The following TPR variants were observed in gnomAD, a reference collection of about 807,000 sequenced individuals.
TPR encodes the protein nucleoprotein TPR.
A neutral mutation model predicts 316.1 loss-of-function variants in TPR; 51 were observed. The observed-to-expected ratio is 0.16, with a 90% confidence interval of 0.13 to 0.20. TPR has a LOEUF of 0.20. TPR is among the 10% of genes least tolerant of loss of function. The probability of loss-of-function intolerance (pLI) is 1.00; values close to 1 mark genes in which losing one functional copy is unlikely to be tolerated. For missense variants in TPR, 2,272 were observed against 2,754.8 expected (o/e 0.82, Z 3.92); for synonymous variants, 981 against 914.7 (o/e 1.07, Z -1.31).
At chr1:186,334,215 T>G in intron 36 of TPR, 110 bp downstream of exon 36, 1 of 1,127,820 alleles carries the variant, frequency 8.9e-7, no homozygotes, top group Non-Finnish European at 1.2e-6. Context: ...ATTTTTACAA[T>G]GACGTGACTT....
chr1:186,364,252 TAAG>T (rs1659272353), intron 4 of TPR, among the ~76,000 whole-genome samples: 2 of 152,164 alleles, frequency 1.3e-5, no homozygotes, highest in South Asian at 4.1e-4. Flanking sequence ...GTACTTCTTC[TAAG>T]AAGCAGGGAA....
intron 27 of TPR, 151 bp downstream of exon 27, chr1:186,343,175 A>G (rs1166678537): frequency 9.8e-7 from 1 of 1,024,948 alleles, no homozygotes; most frequent in Admixed American, 2.9e-5. Context: ...GCACTATACT[A>G]TATTAGTGTT....
chr1:186,311,969 T>C lies in TPR; in HGVS notation c.*2002A>G. 1 of 570,410 alleles carries C rather than the reference T, an allele frequency of 1.8e-6. No individual in the cohort carries two copies. Among genetic ancestry groups the C allele is most frequent in the South Asian group, 2.3e-5 (1 of 43,616 alleles). The allele number at this position is 570,410 out of a possible 1,614,324, so 35.3% of individuals were successfully genotyped here. On this transcript the variant is annotated 3_prime_UTR_variant, in exon 51 of 51. Coordinates refer to ENST00000367478, the MANE Select transcript of TPR (RefSeq NM_003292.3). ...GAAATTAAATATATAACTATGTAAT[T>C]TGCTGCATCTATTCATTCAACAAGT...
intron 26 of TPR, 59 bp from the exon 27 acceptor site, chr1:186,343,532 C>G (rs932412391): frequency 2.0e-6 from 3 of 1,521,110 alleles, no homozygotes; most frequent in Non-Finnish European, 2.7e-6. Flanking sequence ...CATTACAAAA[C>G]GTAGGTAATT....
intron 42 of TPR, among the ~76,000 whole-genome samples, chr1:186,324,699 C>T (rs1057481089): frequency 1.4e-4 from 21 of 151,998 alleles, no homozygotes; most frequent in African/African-American, 4.8e-4. Context: ...CAATTCAATA[C>T]AAGTGTAGTT....
Position 186,353,567 on chromosome 1 carries a change from G to C in TPR, c.2334+121C>G. The C allele has an allele frequency of 4.7e-6, 5 of 1,063,462 alleles. No individual in the cohort carries two copies. In the South Asian group the frequency reaches 8.0e-5, roughly 17 times the overall value. The allele number at this position is 1,063,462 out of a possible 1,614,324, so 65.9% of individuals were successfully genotyped here. A position where few individuals can be genotyped will look rare whatever the true frequency, so the allele number is the denominator to read the frequency against. On this transcript the variant is annotated intron_variant, in intron 18 of 50. Transcript: ENST00000367478. ...TTTGCAAACTATGTATTAATTACTT[G>C]GTGTAACCTCCAAACTTCTTAAATA...
intron 22 of TPR, among the ~76,000 whole-genome samples, chr1:186,346,940 T>C (rs1012884364): frequency 6.8e-6 from 1 of 147,614 alleles, no homozygotes; most frequent in Non-Finnish European, 1.5e-5. Context: ...TCACGTAAAA[T>C]ACCTTTCTAC....
At chr1:186,350,094 G>T (rs972711211) in intron 21 of TPR, 129 bp downstream of exon 21, 29 of 932,538 alleles carry the variant, frequency 3.1e-5, no homozygotes, top group South Asian at 1.1e-4. Flanking sequence ...AAAAAGTTGG[G>T]TTTTTTTTTG....
chr1:186,323,960 G>T (rs1233213071), intron 42 of TPR, 90 bp from the exon 43 acceptor site: 9 of 1,306,722 alleles, frequency 6.9e-6, no homozygotes, highest in Non-Finnish European at 9.3e-6. Context: ...TTGCCAACAG[G>T]AATGTTCACC....
rs1658446994 is a variant in TPR, at chr1:186,339,617, T to C, written c.4151+25A>G. The C allele has an allele frequency of 4.0e-6, 6 of 1,499,692 alleles. No homozygotes were observed. The Admixed American group carries it at 9.5e-5, about 24-fold the overall frequency. The allele number at this position is 1,499,692 out of a possible 1,614,324, so 92.9% of individuals were successfully genotyped here. ...AAATAAACTTCTTTTATATTATATA[T>C]GATTTAAGGCTTCTTTCCATATACC... On this transcript the variant is annotated intron_variant, in intron 30 of 50. Coordinates refer to ENST00000367478, the MANE Select transcript of TPR (RefSeq NM_003292.3).
intron 3 of TPR, among the ~76,000 whole-genome samples, chr1:186,370,734 C>G (rs1158441731): frequency 6.6e-6 from 1 of 152,074 alleles, no homozygotes; most frequent in Non-Finnish European, 1.5e-5. Context: ...GATATAATAC[C>G]TGGACTACAG....
In TPR at chr1:186,313,627, T is replaced by C. The variant is rs1414022732; in HGVS notation, c.*344A>G. 2.0e-6 allele frequency: 2 copies of C among 1,023,846 alleles called. No homozygotes were observed. The highest frequency in any genetic ancestry group is 3.1e-6 in the Non-Finnish European group (2 of 642,936). The allele number at this position is 1,023,846 out of a possible 1,614,324, so 63.4% of individuals were successfully genotyped here. On this transcript the variant is annotated 3_prime_UTR_variant, in exon 51 of 51. Transcript: ENST00000367478. ...ATAATAGTCAACATAAGTTATTTTT[T>C]AGTTTGGGCATTGTTTTCTTTTTAA...
At chr1:186,374,008 A>G (rs1162849347) in intron 1 of TPR, among the ~76,000 whole-genome samples, 1 of 152,248 alleles carries the variant, frequency 6.6e-6, no homozygotes, top group Non-Finnish European at 1.5e-5. Flanking sequence ...TAATAAATAG[A>G]ATGCAATGTA....
chr1:186,333,034 G>C lies in TPR; in HGVS notation c.5455+88C>G, dbSNP rs939916454. On this transcript the variant is annotated intron_variant, in intron 37 of 50. Coordinates refer to ENST00000367478, the MANE Select transcript of TPR (RefSeq NM_003292.3). ...TCTATTCTAACTTCATTTGTACAAA[G>C]AATACTCAAGATATATATACTCAAG... 23 of 1,446,320 alleles carry C rather than the reference G, an allele frequency of 1.6e-5. No individual in the cohort carries two copies. The South Asian group carries it at 3.1e-4, about 19-fold the overall frequency. The allele number at this position is 1,446,320 out of a possible 1,614,324, so 89.6% of individuals were successfully genotyped here.
chr1:186,318,678 A>T, intron 47 of TPR, 55 bp downstream of exon 47: 1 of 1,609,880 alleles, frequency 6.2e-7, no homozygotes, highest in Non-Finnish European at 8.5e-7. Context: ...AAGATACTTC[A>T]TAGGTTTTCA....
At chr1:186,325,646 A>G in intron 42 of TPR, 118 bp downstream of exon 42, 7 of 770,786 alleles carry the variant, frequency 9.1e-6, no homozygotes, top group African/African-American at 1.8e-5. Context: ...AAGCTAGAAC[A>G]GGGGCCAATC....
At chr1:186,318,340 A>AC in intron 48 of TPR, 107 bp downstream of exon 48, 1 of 1,387,076 alleles carries the variant, frequency 7.2e-7, no homozygotes, top group Non-Finnish European at 9.7e-7. Flanking sequence ...AAAAAAAAAC[A>AC]AAAAAAAACA....
At chr1:186,362,183 T>C (rs1396855433) in intron 7 of TPR, 105 bp downstream of exon 7, 1 of 913,268 alleles carries the variant, frequency 1.1e-6, no homozygotes, top group Non-Finnish European at 1.6e-6. Context: ...TCTCACTGTT[T>C]TATGGGGCCA....
At chr1:186,320,815 A>C (rs1258231788) in intron 45 of TPR, among the ~76,000 whole-genome samples, 1 of 152,190 alleles carries the variant, frequency 6.6e-6, no homozygotes, top group Non-Finnish European at 1.5e-5. Flanking sequence ...GGTCATAGAA[A>C]AATCAAGTCA....
Sources: allele counts gnomAD v4.1 joint callset (sites outside exome capture counted in the v4.1 genomes callset), GRCh38; gene constraint gnomAD v4.1.1; transcripts MANE v1.5; gene names NCBI Gene and HGNC (gene_info 2026-07-23, HGNC 2026-07-21).